Variants in SPIRE2 observed in about 807,000 individuals in gnomAD.
SPIRE2 encodes the protein protein spire homolog 2.
In SPIRE2, 76 loss-of-function variants were observed where a neutral mutation model predicts 80.7. The observed-to-expected ratio is 0.94, with a 90% CI of 0.78 to 1.14. SPIRE2 has a LOEUF of 1.14. Among genes scored for constraint, SPIRE2 ranks in the 50% most tolerant of loss-of-function variants. The pLI, the probability that SPIRE2 is intolerant of heterozygous loss-of-function variation, is 0.00. For synonymous variants in SPIRE2, 535 were observed against 432.6 expected (o/e 1.24, Z -2.94); for missense variants, 1,196 against 1,015.3 (o/e 1.18, Z -2.42).
chr16:89,860,260 G>C (rs866585302), intron 9 of SPIRE2, among the ~76,000 whole-genome samples: 1 of 152,012 alleles, frequency 6.6e-6, no homozygotes, highest in Non-Finnish European at 1.5e-5. Flanking sequence ...CACCCTCTTC[G>C]CTTTTTTCTT....
Position 89,867,128 on chromosome 16 carries a change from TTTG to T in SPIRE2, c.1779-1046_1779-1044del, listed in dbSNP as rs567401319. On this transcript the variant is annotated intron_variant, in intron 12 of 14. Transcript: ENST00000378247. ...CAGTGTGCAAGTTTTTTTTTTGTTTTTTGTTGTTGTTGTTGTTTGCTTTTTGTT... is the reference window on the plus strand; with the variant it reads ...CAGTGTGCAAGTTTTTTTTTTGTTTTTTGTTGTTGTTGTTTGCTTTTTGTT... 2.4e-3 allele frequency among the ~76,000 whole-genome samples: 369 copies of T among 151,854 alleles called. 1 individual carries two copies. The highest frequency in any genetic ancestry group is 3.9e-3 in the Non-Finnish European group (266 of 67,940).
chr16:89,866,187 A>G (rs1211597570), intron 12 of SPIRE2, among the ~76,000 whole-genome samples: 1 of 152,058 alleles, frequency 6.6e-6, no homozygotes, highest in Non-Finnish European at 1.5e-5. Context: ...AAAATTATGT[A>G]TATTTCTGTT....
intron 1 of SPIRE2, among the ~76,000 whole-genome samples, chr16:89,840,994 A>G (rs1474733980): frequency 6.6e-6 from 1 of 151,930 alleles, no homozygotes; most frequent in Non-Finnish European, 1.5e-5. Flanking sequence ...ACTCCCTAGC[A>G]TCTTTGTTCT....
At position 89,856,245 on chromosome 16, in the gene SPIRE2, G is replaced by A. The variant is rs1277665965; in HGVS notation, c.1102+9G>A. 1.9e-6 allele frequency: 3 copies of A among 1,560,934 alleles called. No individual in the cohort carries two copies. The highest frequency in any genetic ancestry group is 2.3e-5 in the South Asian group (2 of 85,322). ...GGGCTGGGCTGCCCGCGGTGAGTGA[G>A]GGGATGGCAGGAGAAGAGAGCCCTG... is the stretch of plus-strand genomic sequence containing the variant. On this transcript the variant is annotated intron_variant, in intron 7 of 14. Transcript: ENST00000378247.
chr16:89,831,633 A>G (rs2889495), intron 1 of SPIRE2, among the ~76,000 whole-genome samples: 97,531 of 149,680 alleles, frequency 0.65, 34,315 homozygotes, highest in East Asian at 0.98. Context: ...TCCTGACCTC[A>G]TGATCCGCCC....
In SPIRE2 at chr16:89,833,974, G is replaced by C. The variant is rs117210118; in HGVS notation, c.244+5180G>C. On this transcript the variant is annotated intron_variant, in intron 1 of 14. Transcript: ENST00000378247. ...TGTGTCTCTGTGTGAGCTGGGGTTT[G>C]TTTGTAGATGGCATTCCCGATATAG... Among the ~76,000 whole-genome samples, 153 of 152,290 alleles carry C rather than the reference G, an allele frequency of 1.0e-3. 1 individual carries two copies. Among genetic ancestry groups the C allele is most frequent in the Non-Finnish European group, 1.7e-3 (117 of 68,022 alleles).
Position 89,863,564 on chromosome 16 carries a change from A to G in SPIRE2, c.1664A>G (p.Lys555Arg). 1 of 1,614,030 alleles carries G rather than the reference A, an allele frequency of 6.2e-7. No individual in the cohort carries two copies. Among genetic ancestry groups the G allele is most frequent in the Non-Finnish European group, 8.5e-7 (1 of 1,180,022 alleles). The change falls in exon 11 of 15, where the codon AAG (lysine) becomes AGG (arginine). Residue 555 changes from lysine to arginine, a missense_variant. Lys to Arg is a conservative substitution (Grantham distance 26). Transcript: ENST00000378247. This position sits in a 1 kb window ranked among gnomAD's most constrained non-coding sequence, Gnocchi z 4.3. ...GTGCTGGTGAAGGCCGAGATGGAAAAGTTTTTGCAGAACAAGGAGCTCTTC... is the reference window on the plus strand; with the variant it reads ...GTGCTGGTGAAGGCCGAGATGGAAAGGTTTTTGCAGAACAAGGAGCTCTTC... ...RRVLVKAEMEKFLQNKELFSS... is the reference protein window; with the variant it reads ...RRVLVKAEMERFLQNKELFSS...
intron 12 of SPIRE2, 60 bp from the exon 13 acceptor site, chr16:89,868,129 T>C: frequency 6.2e-7 from 1 of 1,603,936 alleles, no homozygotes; most frequent in Non-Finnish European, 8.5e-7. Flanking sequence ...ATGCGACTGT[T>C]TCTCAGCTGT....
chr16:89,834,930 CTG>C (rs1430306817), intron 1 of SPIRE2, among the ~76,000 whole-genome samples: 26 of 148,642 alleles, frequency 1.7e-4, no homozygotes, highest in South Asian at 4.3e-4. Flanking sequence ...CCGTGTGAAT[CTG>C]TGAACCTGCC....
intron 1 of SPIRE2, among the ~76,000 whole-genome samples, chr16:89,840,457 G>C (rs549488218): frequency 8.0e-5 from 12 of 150,650 alleles, no homozygotes; most frequent in Admixed American, 7.3e-4. Context: ...CACCGTGTTA[G>C]CCAGGATGGT....
At chr16:89,865,296 G>A (rs944439040) in intron 12 of SPIRE2, among the ~76,000 whole-genome samples, 1 of 152,086 alleles carries the variant, frequency 6.6e-6, no homozygotes, top group South Asian at 2.1e-4. Context: ...GTAAGCCACC[G>A]CGCCTGGCCA....
At chr16:89,851,073 G>T (rs767338954) in intron 3 of SPIRE2, among the ~76,000 whole-genome samples, 1 of 152,002 alleles carries the variant, frequency 6.6e-6, no homozygotes, top group Non-Finnish European at 1.5e-5. Flanking sequence ...CATCTGCGTC[G>T]GCCTCCCAAA....
chr16:89,849,828 G>A (rs72813413), intron 2 of SPIRE2: 43,915 of 282,756 alleles, frequency 0.16, 4,125 homozygotes, highest in Middle Eastern at 0.29. Flanking sequence ...TTTTTAATGT[G>A]CTTTTAAAAA....
intron 2 of SPIRE2, among the ~76,000 whole-genome samples, chr16:89,847,730 G>A (rs1446405294): frequency 6.6e-6 from 1 of 152,242 alleles, no homozygotes; most frequent in Admixed American, 6.5e-5. Flanking sequence ...CTGTGGGCGG[G>A]TGGAGGTGGG....
In SPIRE2 at chr16:89,863,697, C is replaced by T. The variant is rs983715083; in HGVS notation, c.1710+87C>T. On this transcript the variant is annotated intron_variant, in intron 11 of 14. Coordinates refer to ENST00000378247, the MANE Select transcript of SPIRE2 (RefSeq NM_032451.2). This position sits in a 1 kb window ranked among gnomAD's most constrained non-coding sequence, Gnocchi z 4.3. ...GGGCCAGTTCCCAGGACTGTTTGCT[C>T]ATGATCTGGTTGGGAGCCCTGAGGG... is the stretch of plus-strand genomic sequence containing the variant. 1.6e-5 allele frequency: 26 copies of T among 1,611,030 alleles called. No individual in the cohort carries two copies. The African/African-American group carries it at 2.8e-4, about 17-fold the overall frequency.
At chr16:89,848,279 A>T (rs2143801421) in intron 2 of SPIRE2, among the ~76,000 whole-genome samples, 1 of 152,288 alleles carries the variant, frequency 6.6e-6, no homozygotes, top group East Asian at 1.9e-4. Context: ...TGTGGCTGTT[A>T]GGCCTTGGCT....
intron 1 of SPIRE2, among the ~76,000 whole-genome samples, chr16:89,831,460 C>T (rs1398583321): frequency 2.0e-5 from 3 of 146,888 alleles, no homozygotes; most frequent in Non-Finnish European, 3.0e-5. Flanking sequence ...TGCAGTGGCG[C>T]GTTCTCGGCT....
chr16:89,838,741 C>G (rs750537929), intron 1 of SPIRE2, among the ~76,000 whole-genome samples: 2 of 152,188 alleles, frequency 1.3e-5, no homozygotes, highest in African/African-American at 2.4e-5. Context: ...GAAGGGTGTC[C>G]AACAGCCCGT....
At chr16:89,858,559 G>A in intron 8 of SPIRE2, 52 bp downstream of exon 8, 1 of 1,481,620 alleles carries the variant, frequency 6.7e-7, no homozygotes, top group Non-Finnish European at 9.0e-7. Context: ...GAGGATGGGG[G>A]CCAAGGAAGT....
Sources: gnomAD v4.1 joint callset for allele counts (sites outside exome capture counted in the v4.1 genomes callset) on GRCh38, gnomAD v4.1.1 for gene constraint, Gnocchi (gnomAD v3.1) non-coding constraint, MANE v1.5 for transcripts, NCBI Gene and HGNC (gene_info 2026-07-23, HGNC 2026-07-21) for gene names.